Variants in GRM5 observed in about 807,000 individuals in gnomAD.
GRM5 encodes the protein glutamate metabotropic receptor 5, also known as metabotropic glutamate receptor 5.
A neutral mutation model predicts 83.1 loss-of-function variants in GRM5; 19 were observed. The ratio of observed to expected loss-of-function variants is 0.23; its 90% CI spans 0.16 to 0.34. The LOEUF (loss-of-function observed/expected upper bound fraction) is 0.34, where lower values mean the gene tolerates loss of function less well. GRM5 is among the 10% of genes least tolerant of loss of function. The pLI, the probability that GRM5 is intolerant of heterozygous loss-of-function variation, is 1.00. For missense variants in GRM5, 1,160 were observed against 1,588.3 expected (o/e 0.73, Z 4.58); for synonymous variants, 675 against 633.6 (o/e 1.07, Z -0.98).
chr11:88,519,540 C>A (rs1463372255), intron 9 of GRM5, among the ~76,000 whole-genome samples: 1 of 152,080 alleles, frequency 6.6e-6, no homozygotes, highest in Non-Finnish European at 1.5e-5. Context: ...AGTGAGCAAT[C>A]ATGCAGATAA....
intron 2 of GRM5, among the ~76,000 whole-genome samples, chr11:88,974,902 T>C (rs1939285055): frequency 6.6e-6 from 1 of 152,150 alleles, no homozygotes; most frequent in South Asian, 2.1e-4. Flanking sequence ...TCATAAGAAG[T>C]AGTCAATCAA....
At chr11:88,729,733 C>T (rs1266408762) in intron 3 of GRM5, among the ~76,000 whole-genome samples, 3 of 152,082 alleles carry the variant, frequency 2.0e-5, no homozygotes, top group Non-Finnish European at 4.4e-5. Flanking sequence ...ACATCTACAG[C>T]CATCTGATCT....
At chr11:89,049,120 T>A (rs1463100272) in intron 1 of GRM5, among the ~76,000 whole-genome samples, 3 of 152,154 alleles carry the variant, frequency 2.0e-5, no homozygotes, top group African/African-American at 7.2e-5. Context: ...AATTACACAG[T>A]CTTGCAATAC....
At chr11:88,831,501 C>G (rs1943993589) in intron 3 of GRM5, among the ~76,000 whole-genome samples, 1 of 152,198 alleles carries the variant, frequency 6.6e-6, no homozygotes, top group African/African-American at 2.4e-5. Context: ...TCAGCCCATG[C>G]CTACCACAGC....
intron 2 of GRM5, among the ~76,000 whole-genome samples, chr11:89,002,860 A>G (rs1940423222): frequency 6.6e-6 from 1 of 152,004 alleles, no homozygotes; most frequent in African/African-American, 2.4e-5. Context: ...CTTTCAGATC[A>G]TTGCTCTAAA....
At chr11:88,828,005 A>T (rs1366854008) in intron 3 of GRM5, among the ~76,000 whole-genome samples, 1 of 152,154 alleles carries the variant, frequency 6.6e-6, no homozygotes, top group Non-Finnish European at 1.5e-5. Flanking sequence ...GTAACATCTG[A>T]GTGAAGATTT....
intron 2 of GRM5, among the ~76,000 whole-genome samples, chr11:88,937,225 A>G (rs1423936530): frequency 6.6e-6 from 1 of 151,786 alleles, no homozygotes; most frequent in Non-Finnish European, 1.5e-5. Context: ...TTTCTTGGAT[A>G]AAACATGCTA....
chr11:89,021,188 G>GA, intron 2 of GRM5, among the ~76,000 whole-genome samples: 1 of 152,050 alleles, frequency 6.6e-6, no homozygotes, highest in East Asian at 1.9e-4. Flanking sequence ...TGGAGTCCTA[G>GA]AAAAAAGAAA....
intron 5 of GRM5, among the ~76,000 whole-genome samples, 185 bp from the exon 6 acceptor site, chr11:88,597,537 T>C (rs1366611062): frequency 6.6e-6 from 1 of 152,100 alleles, no homozygotes; most frequent in Non-Finnish European, 1.5e-5. Flanking sequence ...GAGACCATTT[T>C]TGTACTTTCA....
chr11:88,563,517 T>C (rs1942803986), intron 8 of GRM5, among the ~76,000 whole-genome samples: 1 of 152,156 alleles, frequency 6.6e-6, no homozygotes, highest in Non-Finnish European at 1.5e-5. Context: ...ACAGAGGGCA[T>C]ACCCAATCTC....
chr11:88,780,438 T>A (rs1331163150), intron 3 of GRM5, among the ~76,000 whole-genome samples: 1 of 152,188 alleles, frequency 6.6e-6, no homozygotes, highest in East Asian at 1.9e-4. Flanking sequence ...ATAAGGCTGA[T>A]CAAGCTGCCG....
chr11:88,756,866 A>G (rs1942404930), intron 3 of GRM5, among the ~76,000 whole-genome samples: 1 of 152,174 alleles, frequency 6.6e-6, no homozygotes, highest in Admixed American at 6.5e-5. Context: ...ATGACAGAGA[A>G]TATGTGAAGA....
At chr11:88,611,967 A>AT (rs1436281523) in intron 4 of GRM5, among the ~76,000 whole-genome samples, 1 of 151,068 alleles carries the variant, frequency 6.6e-6, no homozygotes, top group African/African-American at 2.4e-5. Context: ...TTATTTATTT[A>AT]TTATTTTTTT....
At chr11:88,665,837 AG>A (rs920557611) in intron 3 of GRM5, among the ~76,000 whole-genome samples, 12 of 115,132 alleles carry the variant, frequency 1.0e-4, no homozygotes, top group Non-Finnish European at 2.1e-4. Context: ...GCCAGTACTG[AG>A]GGGGCCATGA....
rs139322465 is a variant in GRM5 at position 88,586,471 on chromosome 11, T to C, written c.1690+4130A>G. ...TATGTACTGGTTGTTATTATCACAA[T>C]GAAGGCACTGACCCAAAGGTAACTT... On this transcript the variant is annotated intron_variant, in intron 7 of 9. Transcript: ENST00000305447. Among the ~76,000 whole-genome samples, 1,076 of 152,308 alleles carry C rather than the reference T, an allele frequency of 7.1e-3. 9 individuals carry two copies. Among genetic ancestry groups the C allele is most frequent in the African/African-American group, 0.025 (1,039 of 41,572 alleles).
rs533748208 is a variant in GRM5 at position 88,821,437 on chromosome 11, C to T, written c.911+28469G>A. On this transcript the variant is annotated intron_variant, in intron 3 of 9. Transcript: ENST00000305447. ...GTCATAGTTCCAAAATATTTCCAGA[C>T]CATCCCCAGACAAAGAGCAGCTCAG... is the stretch of plus-strand genomic sequence containing the variant. 1.1e-4 allele frequency among the ~76,000 whole-genome samples: 17 copies of T among 151,326 alleles called. 1 individual carries two copies. The South Asian group carries it at 3.3e-3, about 30-fold the overall frequency.
chr11:88,905,107 T>C (rs992140882), intron 2 of GRM5, among the ~76,000 whole-genome samples: 1 of 152,204 alleles, frequency 6.6e-6, no homozygotes, highest in Non-Finnish European at 1.5e-5. Flanking sequence ...TATATGTGTT[T>C]ATCTTTCAGA....
At chr11:88,955,074 C>T (rs1173436645) in intron 2 of GRM5, among the ~76,000 whole-genome samples, 3 of 152,000 alleles carry the variant, frequency 2.0e-5, no homozygotes, top group Admixed American at 6.6e-5. Flanking sequence ...TTTTTTTTCC[C>T]CCATTGGCAT....
intron 2 of GRM5, among the ~76,000 whole-genome samples, chr11:89,028,794 T>C (rs1941190757): frequency 6.6e-6 from 1 of 152,234 alleles, no homozygotes; most frequent in Non-Finnish European, 1.5e-5. Flanking sequence ...TTTCTGTTTT[T>C]TAATTATACT....
Sources: allele counts gnomAD v4.1 joint callset (sites outside exome capture counted in the v4.1 genomes callset), GRCh38; gene constraint gnomAD v4.1.1; transcripts MANE v1.5; gene names NCBI Gene and HGNC (gene_info 2026-07-23, HGNC 2026-07-21).